The following NRG3 variants were observed in gnomAD, a reference collection of about 807,000 sequenced individuals.
NRG3 encodes neuregulin 3.
Under a neutral mutation model 66.9 loss-of-function variants are expected in NRG3, and 31 were observed. That is an observed-to-expected ratio of 0.46 (90% CI 0.35 to 0.63). NRG3 has a LOEUF of 0.63. Ranked by LOEUF, NRG3 falls within the 20% of genes least tolerant of loss-of-function variation. The pLI, the probability that NRG3 is intolerant of heterozygous loss-of-function variation, is 0.00. For synonymous variants in NRG3, 393 were observed against 359.4 expected (o/e 1.09, Z -1.06); for missense variants, 910 against 878.9 (o/e 1.04, Z -0.45).
rs774398423 is a variant in NRG3, at chr10:82,358,737, A to T, written c.824-2A>T. On this transcript the variant is annotated splice_acceptor_variant, in intron 1 of 8. Coordinates refer to ENST00000372141, the MANE Select transcript of NRG3 (RefSeq NM_001010848.4). LOFTEE classifies it high-confidence loss of function. ...CGTTTCCCCCTGTGCTTTCCCTGAC[A>T]GATACGACGACATATTCCACAGAGC... 1 of 1,614,122 alleles carries T rather than the reference A, an allele frequency of 6.2e-7. No individual in the cohort carries two copies. The highest frequency in any genetic ancestry group is 8.5e-7 in the Non-Finnish European group (1 of 1,180,000).
chr10:82,567,650 A>G (rs1327072496), intron 2 of NRG3, among the ~76,000 whole-genome samples: 1 of 151,928 alleles, frequency 6.6e-6, no homozygotes, highest in East Asian at 1.9e-4. Flanking sequence ...TCTCATATGC[A>G]AGATATTTCT....
At chr10:82,067,124 C>A (rs915899564) in intron 1 of NRG3, among the ~76,000 whole-genome samples, 4 of 151,948 alleles carry the variant, frequency 2.6e-5, no homozygotes, top group Non-Finnish European at 5.9e-5. Flanking sequence ...ATATAACAAA[C>A]CCCAAAACAG....
intron 3 of NRG3, among the ~76,000 whole-genome samples, chr10:82,810,702 G>C (rs1288162509): frequency 6.8e-6 from 1 of 147,070 alleles, no homozygotes; most frequent in African/African-American, 2.5e-5. Flanking sequence ...GACGGAAGTT[G>C]TGGTGAGCCA....
intron 1 of NRG3, among the ~76,000 whole-genome samples, chr10:82,310,743 T>G (rs180844967): frequency 2.6e-5 from 4 of 152,058 alleles, no homozygotes; most frequent in Non-Finnish European, 5.9e-5. Context: ...ACTAGAGAGA[T>G]AGTTGTTCAT....
intron 1 of NRG3, among the ~76,000 whole-genome samples, chr10:82,022,519 C>G (rs566022251): frequency 1.3e-5 from 2 of 152,214 alleles, no homozygotes; most frequent in South Asian, 2.1e-4. Flanking sequence ...AAAGGCTTTG[C>G]CTACTCCATG....
intron 1 of NRG3, among the ~76,000 whole-genome samples, chr10:82,350,339 A>G (rs1022537304): frequency 1.2e-4 from 18 of 152,216 alleles, no homozygotes; most frequent in African/African-American, 4.3e-4. Context: ...TGCATTAAGC[A>G]CTTATTGTGT....
intron 2 of NRG3, among the ~76,000 whole-genome samples, chr10:82,384,041 C>A (rs2085809621): frequency 6.6e-6 from 1 of 151,942 alleles, no homozygotes; most frequent in Admixed American, 6.6e-5. Context: ...TCAAATGAAA[C>A]CTTTTTGACA....
At chr10:82,522,316 A>C (rs1032412192) in intron 2 of NRG3, among the ~76,000 whole-genome samples, 2 of 152,086 alleles carry the variant, frequency 1.3e-5, no homozygotes, top group African/African-American at 4.8e-5. Flanking sequence ...AAGTGCTGGG[A>C]TTACAGGCAT....
chr10:82,650,123 A>G (rs1246594601), intron 2 of NRG3, among the ~76,000 whole-genome samples: 1 of 152,190 alleles, frequency 6.6e-6, no homozygotes, highest in Non-Finnish European at 1.5e-5. Flanking sequence ...AAACAACCAA[A>G]CAAACAAAAG....
intron 2 of NRG3, among the ~76,000 whole-genome samples, chr10:82,482,564 G>C (rs891937726): frequency 2.0e-5 from 3 of 152,010 alleles, no homozygotes; most frequent in Non-Finnish European, 4.4e-5. Context: ...GCTACACAGA[G>C]TGTGATTCTT....
intron 1 of NRG3, among the ~76,000 whole-genome samples, chr10:81,883,897 A>G (rs1033117641): frequency 3.3e-5 from 5 of 152,180 alleles, no homozygotes; most frequent in African/African-American, 9.7e-5. Context: ...GAAGGGGCTT[A>G]AGAATTTAAG....
chr10:82,658,887 G>T (rs2052088358), intron 2 of NRG3, among the ~76,000 whole-genome samples: 1 of 152,162 alleles, frequency 6.6e-6, no homozygotes, highest in Non-Finnish European at 1.5e-5. Context: ...CACATGGGAA[G>T]TATATGTTAG....
At chr10:82,452,188 CATA>C (rs1225978679) in intron 2 of NRG3, among the ~76,000 whole-genome samples, 3 of 152,194 alleles carry the variant, frequency 2.0e-5, no homozygotes, top group Non-Finnish European at 4.4e-5. Context: ...TCTATAAACT[CATA>C]ATGATGTGTT....
intron 1 of NRG3, among the ~76,000 whole-genome samples, chr10:82,269,355 G>A (rs2078473566): frequency 6.6e-6 from 1 of 152,176 alleles, no homozygotes; most frequent in Non-Finnish European, 1.5e-5. Flanking sequence ...AGTGGAAACA[G>A]TCATAATGTT....
At chr10:82,797,814 T>C (rs766905447) in intron 3 of NRG3, among the ~76,000 whole-genome samples, 1 of 152,162 alleles carries the variant, frequency 6.6e-6, no homozygotes, top group Non-Finnish European at 1.5e-5. Context: ...TAAACAAAAC[T>C]GTGAATGTGG....
In NRG3 at chr10:82,973,843, G is replaced by A. The variant is rs149436913; in HGVS notation, c.1340G>A (p.Ser447Asn). The A allele has an allele frequency of 7.4e-6, 12 of 1,613,962 alleles. No individual in the cohort carries two copies. The African/African-American group carries it at 1.6e-4, about 22-fold the overall frequency. ...VTALEKMMES[S>N]FVGPQSFPEV... The stretch of plus-strand genomic sequence containing the variant: ...GCATTGGAGAAAATGATGGAGTCAA[G>A]TTTTGTCGGCCCCCAGTCATTCCCT... Residue 447 changes from serine to asparagine, a missense_variant, in exon 7 of 9, where the codon AGT (serine) becomes AAT (asparagine). Transcript: ENST00000372141.
At chr10:82,915,346 A>G (rs1845727395) in intron 4 of NRG3, among the ~76,000 whole-genome samples, 1 of 152,202 alleles carries the variant, frequency 6.6e-6, no homozygotes, top group Non-Finnish European at 1.5e-5. Flanking sequence ...TACATGCCAA[A>G]AAAGAAACTA....
chr10:82,424,469 T>G (rs1290207694), intron 2 of NRG3, among the ~76,000 whole-genome samples: 1 of 152,074 alleles, frequency 6.6e-6, no homozygotes, highest in Admixed American at 6.6e-5. Context: ...CAAATTATTT[T>G]CCTATTTAAA....
At chr10:82,670,437 C>G (rs755960160) in intron 2 of NRG3, among the ~76,000 whole-genome samples, 1 of 152,124 alleles carries the variant, frequency 6.6e-6, no homozygotes, top group Non-Finnish European at 1.5e-5. Flanking sequence ...TGAGCTCAGT[C>G]ACGCTTATTA....
Sources: allele counts gnomAD v4.1 joint callset (sites outside exome capture counted in the v4.1 genomes callset), GRCh38; gene constraint gnomAD v4.1.1; transcripts MANE v1.5; gene names NCBI Gene and HGNC (gene_info 2026-07-23, HGNC 2026-07-21).